Variants in EPN2 observed in about 807,000 individuals in gnomAD.
The protein encoded by EPN2 is epsin-2.
EPN2 carries 34 observed loss-of-function variants against 61.7 expected under a neutral mutation model. The observed-to-expected ratio is 0.55, with a 90% CI of 0.42 to 0.73. The LOEUF (loss-of-function observed/expected upper bound fraction) is 0.73. Among genes scored for constraint, EPN2 ranks in the 30% least tolerant of loss-of-function variants. The pLI, the probability that EPN2 is intolerant of heterozygous loss-of-function variation, is 0.00. For missense variants in EPN2, 714 were observed against 839.2 expected (o/e 0.85, Z 1.84); for synonymous variants, 349 against 353.6 (o/e 0.99, Z 0.15).
At chr17:19,243,015 G>C (rs964353325) in intron 1 of EPN2, among the ~76,000 whole-genome samples, 4 of 152,156 alleles carry the variant, frequency 2.6e-5, no homozygotes, top group Non-Finnish European at 5.9e-5. Flanking sequence ...TGGGCCTCCT[G>C]GCTGGGTGGC....
intron 1 of EPN2, among the ~76,000 whole-genome samples, chr17:19,251,015 C>G (rs1401676425): frequency 6.6e-6 from 1 of 152,120 alleles, no homozygotes; most frequent in Non-Finnish European, 1.5e-5. Context: ...TGCCATGATT[C>G]CTTGTCTCTT....
chr17:19,274,927 T>C (rs2045291540), intron 1 of EPN2, among the ~76,000 whole-genome samples: 1 of 152,198 alleles, frequency 6.6e-6, no homozygotes, highest in Non-Finnish European at 1.5e-5. Flanking sequence ...GTCTCTACTC[T>C]CATTTGAATT....
intron 1 of EPN2, chr17:19,248,323 T>C (rs1330509950): frequency 3.3e-5 from 5 of 152,192 alleles, no homozygotes; most frequent in African/African-American, 1.2e-4. Flanking sequence ...CAGAAGAGAC[T>C]GTGATCCACC....
intron 4 of EPN2, among the ~76,000 whole-genome samples, chr17:19,294,233 C>T (rs2045493170): frequency 6.9e-6 from 1 of 144,998 alleles, no homozygotes; most frequent in Admixed American, 7.0e-5. Context: ...GCCTGGACAA[C>T]ACAACAAAAC....
At chr17:19,268,905 G>A (rs1365290855) in intron 1 of EPN2, among the ~76,000 whole-genome samples, 1 of 152,184 alleles carries the variant, frequency 6.6e-6, no homozygotes, top group Non-Finnish European at 1.5e-5. Context: ...AGTTTTACTA[G>A]TGTGTGATAC....
At chr17:19,241,579 T>C (rs2152197464) in intron 1 of EPN2, among the ~76,000 whole-genome samples, 1 of 140,332 alleles carries the variant, frequency 7.1e-6, no homozygotes, top group South Asian at 2.5e-4. Flanking sequence ...AGCAAGACTC[T>C]GTCTCAAAAA....
In EPN2 at chr17:19,288,783, C is replaced by T. The variant is rs570009499; in HGVS notation, c.766+2993C>T. Among the ~76,000 whole-genome samples, 99 of 152,268 alleles carry T rather than the reference C, an allele frequency of 6.5e-4. 2 individuals are homozygous for T. In the South Asian group the frequency reaches 0.018, roughly 28 times the overall value. On this transcript the variant is annotated intron_variant, in intron 4 of 10. Coordinates refer to ENST00000314728, the MANE Select transcript of EPN2 (RefSeq NM_014964.5). ...TTGTGTCCATGTTTAGATGTTGTGC[C>T]GATGTCATTGCTAGGAGCTTTTGAA...
intron 7 of EPN2, among the ~76,000 whole-genome samples, chr17:19,315,372 C>G (rs1246368298): frequency 6.6e-6 from 1 of 152,188 alleles, no homozygotes; most frequent in Non-Finnish European, 1.5e-5. Context: ...GGAGTCTCCC[C>G]TGATGAATGG....
chr17:19,279,877 C>T (rs541896810), intron 1 of EPN2: 1 of 150,684 alleles, frequency 6.6e-6, no homozygotes, highest in African/African-American at 2.4e-5. Flanking sequence ...CACTCTATCG[C>T]CCAGGCTGGA....
chr17:19,279,239 C>G (rs1410372903), intron 1 of EPN2, among the ~76,000 whole-genome samples: 1 of 152,004 alleles, frequency 6.6e-6, no homozygotes, highest in East Asian at 1.9e-4. Flanking sequence ...GGCACCTTGG[C>G]CCTTGCTCAC....
At chr17:19,241,707 A>G (rs1351296368) in intron 1 of EPN2, among the ~76,000 whole-genome samples, 1 of 152,224 alleles carries the variant, frequency 6.6e-6, no homozygotes, top group East Asian at 1.9e-4. Context: ...ATACAGTGAA[A>G]TAAGTATATG....
At chr17:19,258,493 G>T (rs2045105967) in intron 1 of EPN2, among the ~76,000 whole-genome samples, 1 of 152,150 alleles carries the variant, frequency 6.6e-6, no homozygotes, top group Non-Finnish European at 1.5e-5. Flanking sequence ...ACGTTGGGTT[G>T]GGTTGGGTTG....
rs772230550 is a variant in EPN2 at position 19,289,724 on chromosome 17, G to GTTTTGTTTTTTT, written c.766+3938_766+3939insGTTTTTTTTTTT. On this transcript the variant is annotated intron_variant, in intron 4 of 10. Transcript: ENST00000314728. ...TGTTCGGCCTCACCTGGCGCTCATG[G>GTTTTGTTTTTTT]TTTTTTTTTTTTTTTTTTTTGAGAT... Among the ~76,000 whole-genome samples the GTTTTGTTTTTTT allele has an allele frequency of 1.0e-4, 8 of 78,044 alleles. 1 individual carries two copies. In the South Asian group the frequency reaches 2.9e-3, roughly 28 times the overall value. 51.2% of individuals were successfully genotyped at this position (78,044 alleles called of 152,430 possible). A position where few individuals can be genotyped will look rare whatever the true frequency, so the allele number is the denominator to read the frequency against.
intron 1 of EPN2, chr17:19,276,406 C>CTCACCATGTTGTCCAG (rs1224411002): frequency 1.0e-5 from 1 of 100,370 alleles, no homozygotes; most frequent in Non-Finnish European, 1.8e-5. Flanking sequence ...GAAATGAGGT[C>CTCACCATGTTGTCCAG]TCACCATGTT....
At position 19,283,713 on chromosome 17, in the gene EPN2, C is replaced by T. The variant is rs754332617; in HGVS notation, c.594C>T (p.Gly198=). The change falls in exon 3 of 11, where the codon GGC becomes GGT. Residue 198 remains glycine, a splice_region_variant and synonymous_variant. Coordinates refer to ENST00000314728, the MANE Select transcript of EPN2 (RefSeq NM_014964.5). The surrounding 1 kb of genome is among the most constrained non-coding windows in gnomAD (Gnocchi z 7.0). ...GGGGCTCCCCGGCCTCCTACCATGG[C>T]TGTGAGTAATGGAAGTGCTTCTCAC... is the stretch of plus-strand genomic sequence containing the variant. The part of the protein sequence containing the change: ...KAGGSPASYH[G]SPEASLCPQH... The T allele has an allele frequency of 3.2e-6, 5 of 1,576,288 alleles. No homozygotes were observed. The highest frequency in any genetic ancestry group is 4.3e-6 in the Non-Finnish European group (5 of 1,162,654).
chr17:19,245,806 G>A (rs2044941194), intron 1 of EPN2, among the ~76,000 whole-genome samples: 1 of 151,952 alleles, frequency 6.6e-6, no homozygotes, highest in South Asian at 2.1e-4. Context: ...GGGACTACAG[G>A]CACGTACCAC....
At chr17:19,323,111 G>T (rs552423994) in intron 7 of EPN2, among the ~76,000 whole-genome samples, 26 of 152,332 alleles carry the variant, frequency 1.7e-4, no homozygotes, top group African/African-American at 6.3e-4. Context: ...CTAATGTCTG[G>T]TGCCAGGGCT....
At chr17:19,269,332 C>G (rs1157690001) in intron 1 of EPN2, among the ~76,000 whole-genome samples, 3 of 152,120 alleles carry the variant, frequency 2.0e-5, no homozygotes, top group Non-Finnish European at 4.4e-5. Context: ...TATTTTTACT[C>G]TGCACCAAAA....
At chr17:19,289,703 C>G (rs1452028988) in intron 4 of EPN2, among the ~76,000 whole-genome samples, 1 of 140,736 alleles carries the variant, frequency 7.1e-6, no homozygotes, top group East Asian at 2.3e-4. Flanking sequence ...GTCAGCTGTT[C>G]GGCCTCACCT....
Sources: allele counts gnomAD v4.1 joint callset (sites outside exome capture counted in the v4.1 genomes callset), GRCh38; gene constraint gnomAD v4.1.1; non-coding constraint Gnocchi (gnomAD v3.1); transcripts MANE v1.5; gene names NCBI Gene and HGNC (gene_info 2026-07-23, HGNC 2026-07-21).